The following NCR1 variants were observed in gnomAD, a reference collection of about 807,000 sequenced individuals.
NCR1 encodes NK cell-activating receptor.
A neutral mutation model predicts 32.5 loss-of-function variants in NCR1; 30 were observed. The ratio of observed to expected loss-of-function variants is 0.92; its 90% CI spans 0.69 to 1.25. NCR1 has a LOEUF of 1.25. Ranked by LOEUF, NCR1 falls within the 50% of genes most tolerant of loss-of-function variation. The pLI is 0.00. For missense variants in NCR1, 369 were observed against 380.7 expected (o/e 0.97, Z 0.26); for synonymous variants, 169 against 143.4 (o/e 1.18, Z -1.28).
chr19:54,903,449 TATAC>T (rs1308315925), upstream of NCR1, among the ~76,000 whole-genome samples: 5 of 114,798 alleles, frequency 4.4e-5, no homozygotes, highest in East Asian at 5.2e-4. Context: ...CATGTATGTA[TATAC>T]ATATATGTAT....
chr19:54,925,339 C>G, the NCR1 span, among the ~76,000 whole-genome samples: 4 of 152,118 alleles, frequency 2.6e-5, no homozygotes, highest in African/African-American at 9.7e-5. Flanking sequence ...ACCCCTAAAA[C>G]CTTAACCCAT....
chr19:54,923,409 C>T, the NCR1 span: 4,321 of 399,202 alleles, frequency 0.011, 137 homozygotes, highest in African/African-American at 0.078. Flanking sequence ...AAGAATCAAC[C>T]GAATCATCCC....
the NCR1 span, among the ~76,000 whole-genome samples, chr19:54,924,415 C>T: frequency 6.6e-6 from 1 of 151,690 alleles, no homozygotes; most frequent in African/African-American, 2.4e-5. Context: ...TTGAGCTCCG[C>T]AGTTCAAGGC....
intron 6 of NCR1, 54 bp downstream of exon 6, chr19:54,912,272 A>T (rs1344240156): frequency 6.5e-7 from 1 of 1,538,790 alleles, no homozygotes; most frequent in African/African-American, 1.4e-5. Context: ...GGCATAGAGT[A>T]GACCTAGGAA....
At chr19:54,934,402 T>G in the NCR1 span, 1 of 1,338,320 alleles carries the variant, frequency 7.5e-7, no homozygotes, top group Non-Finnish European at 1.1e-6. This position sits in a 1 kb window ranked among gnomAD's most constrained non-coding sequence, Gnocchi z 6.7. Flanking sequence ...AGGCGCCACG[T>G]GGGTGGCGCA....
At chr19:54,936,597 G>T in the NCR1 span, among the ~76,000 whole-genome samples, 7 of 152,116 alleles carry the variant, frequency 4.6e-5, no homozygotes, top group African/African-American at 1.4e-4. Flanking sequence ...TGAGGCAGGA[G>T]GATAACCTGA....
downstream of NCR1, among the ~76,000 whole-genome samples, chr19:54,916,461 A>G (rs1602077868): frequency 6.7e-6 from 1 of 148,266 alleles, no homozygotes; most frequent in South Asian, 2.1e-4. Context: ...TGGGACTACA[A>G]GTGCGTGCCA....
chr19:54,910,099 G>A (rs269920), intron 5 of NCR1, 34 bp downstream of exon 5: 72 of 1,598,796 alleles, frequency 4.5e-5, no homozygotes, highest in Non-Finnish European at 5.7e-5. Context: ...TCAGACGAGC[G>A]ATCAGAGCCT....
Position 54,906,608 on chromosome 19 carries a change from T to C in NCR1, c.156T>C (p.Asn52=), listed in dbSNP as rs780950121. ...AAGTGACCATCTGTTGCCAGGGAAA[T>C]TATGGGGCTGTTGAATACCAGCTGC... The part of the protein sequence containing the change: ...EKQVTICCQG[N]YGAVEYQLHF... Residue 52 remains asparagine (N), a synonymous_variant, in exon 3 of 7, where the codon AAT becomes AAC. Transcript: ENST00000291890. 3.1e-6 allele frequency: 5 copies of C among 1,614,138 alleles called. No individual in the cohort carries two copies. The highest frequency in any genetic ancestry group is 3.4e-6 in the Non-Finnish European group (4 of 1,180,034).
At position 54,907,274 on chromosome 19, in the gene NCR1, G is replaced by C. The variant is rs1303330879; in HGVS notation, c.355+467G>C. 2.6e-5 allele frequency among the ~76,000 whole-genome samples: 4 copies of C among 151,032 alleles called. No individual in the cohort carries two copies. The East Asian group carries it at 7.8e-4, about 29-fold the overall frequency. ...GGGTTCAAGTGATTCTCCAGCCTCA[G>C]CTTCCCAAGTAGCTGGGATCACAGG... On this transcript the variant is annotated intron_variant, in intron 3 of 6. Coordinates refer to ENST00000291890, the MANE Select transcript of NCR1 (RefSeq NM_004829.7).
intron 3 of NCR1, 51 bp from the exon 4 acceptor site, chr19:54,909,194 T>G (rs746009684): frequency 1.3e-6 from 2 of 1,528,830 alleles, no homozygotes; most frequent in East Asian, 4.6e-5. Flanking sequence ...AAAAAATAGC[T>G]GGCTGCTCAT....
the NCR1 span, among the ~76,000 whole-genome samples, chr19:54,927,088 A>G: frequency 1.5e-5 from 2 of 137,826 alleles, no homozygotes; most frequent in Non-Finnish European, 3.2e-5. Context: ...ACTCCATCCC[A>G]AAAAGCAAAA....
At chr19:54,922,907 GAC>G in the NCR1 span, among the ~76,000 whole-genome samples, 3 of 150,748 alleles carry the variant, frequency 2.0e-5, no homozygotes, top group African/African-American at 4.9e-5. Context: ...CACAGAAACA[GAC>G]ACAGAGACAG....
Position 54,906,649 on chromosome 19 carries a change from T to C in NCR1, c.197T>C (p.Leu66Pro), listed in dbSNP as rs1222852060. 1.9e-6 allele frequency: 3 copies of C among 1,614,190 alleles called. No homozygotes were observed. The South Asian group carries it at 3.3e-5, about 18-fold the overall frequency. ...TACCAGCTGCACTTTGAAGGAAGCC[T>C]TTTTGCCGTGGACAGACCAAAACCC... ...VEYQLHFEGS[L>P]FAVDRPKPPE... The change falls in exon 3 of 7, where the codon CTT (leucine) becomes CCT (proline). Residue 66 changes from leucine to proline, a missense_variant. Physicochemically the swap from Leu to Pro is moderately conservative, Grantham distance 98 (BLOSUM62 -3). Coordinates refer to ENST00000291890, the MANE Select transcript of NCR1 (RefSeq NM_004829.7).
At chr19:54,903,554 A>G (rs62124581), upstream of NCR1, among the ~76,000 whole-genome samples, 34,904 of 144,214 alleles carry the variant, frequency 0.24, 5,570 homozygotes, top group African/African-American at 0.31. Flanking sequence ...GCATGTGTGT[A>G]TATATACATA....
upstream of NCR1, among the ~76,000 whole-genome samples, chr19:54,903,109 G>A (rs914929907): frequency 6.6e-6 from 1 of 151,764 alleles, no homozygotes; most frequent in African/African-American, 2.4e-5. Flanking sequence ...CAGCTTGAGG[G>A]ACAGAGTGAG....
chr19:54,934,373 A>T, the NCR1 span: 1 of 1,002,980 alleles, frequency 1.0e-6, no homozygotes, highest in Non-Finnish European at 1.6e-6. The surrounding 1 kb of genome is among the most constrained non-coding windows in gnomAD (Gnocchi z 6.7). Flanking sequence ...GGCCTGAAGC[A>T]GGTGTTTATT....
At chr19:54,929,031 G>C in the NCR1 span, among the ~76,000 whole-genome samples, 26 of 152,222 alleles carry the variant, frequency 1.7e-4, no homozygotes, top group African/African-American at 6.3e-4. Flanking sequence ...AAGGTATCAC[G>C]GTCTGGCTTG....
At chr19:54,903,174 G>C (rs141403214), upstream of NCR1, among the ~76,000 whole-genome samples, 10 of 151,620 alleles carry the variant, frequency 6.6e-5, no homozygotes, top group African/African-American at 2.4e-4. Context: ...GCCTCAAGAA[G>C]ATACAACTAG....
Sources: gnomAD v4.1 joint callset for allele counts (sites outside exome capture counted in the v4.1 genomes callset) on GRCh38, gnomAD v4.1.1 for gene constraint, Gnocchi (gnomAD v3.1) non-coding constraint, MANE v1.5 for transcripts, NCBI Gene and HGNC (gene_info 2026-07-23, HGNC 2026-07-21) for gene names.